LRRC4C: variants seen among roughly 807,000 people sequenced by gnomAD.
The protein encoded by LRRC4C is leucine-rich repeat-containing protein 4C.
LRRC4C carries 5 observed loss-of-function variants against 33.6 expected under a neutral mutation model. The ratio of observed to expected loss-of-function variants is 0.15; its 90% CI spans 0.08 to 0.31. The LOEUF is 0.31. Among genes scored for constraint, LRRC4C ranks in the 10% least tolerant of loss-of-function variants. LRRC4C has a pLI of 1.00. For missense variants in LRRC4C, 560 were observed against 796.7 expected, an observed-to-expected ratio of 0.70 and a Z score of 3.58; for synonymous variants, 329 against 302.0, an observed-to-expected ratio of 1.09 and a Z score of -0.93.
intron 4 of LRRC4C, among the ~76,000 whole-genome samples, chr11:40,309,576 G>A (rs1318586010): frequency 1.3e-5 from 2 of 150,234 alleles, no homozygotes; most frequent in Non-Finnish European, 2.9e-5. Flanking sequence ...CACAATCTCA[G>A]CTCACTGCAA....
intron 2 of LRRC4C, among the ~76,000 whole-genome samples, chr11:40,933,384 T>C (rs1433325089): frequency 6.6e-6 from 1 of 152,232 alleles, no homozygotes; most frequent in Non-Finnish European, 1.5e-5. Flanking sequence ...CAATTGACCA[T>C]ATTAATTTAC....
At position 40,463,503 on chromosome 11, in the gene LRRC4C, A is replaced by C. The variant is rs565889643; in HGVS notation, c.-269-143782T>G. Among the ~76,000 whole-genome samples, 3 of 152,228 alleles carry C rather than the reference A, an allele frequency of 2.0e-5. 1 individual carries two copies. In the South Asian group the frequency reaches 6.2e-4, roughly 32 times the overall value. On this transcript the variant is annotated intron_variant, in intron 3 of 6. Coordinates refer to ENST00000528697, the MANE Select transcript of LRRC4C (RefSeq NM_001258419.2). ...TTGGTAGATAAGACAGAAATATCGG[A>C]AATTTATCTTTGAGTAATATTTTCA...
At chr11:40,610,760 A>C (rs767301032) in intron 3 of LRRC4C, among the ~76,000 whole-genome samples, 3 of 151,904 alleles carry the variant, frequency 2.0e-5, no homozygotes, top group Non-Finnish European at 4.4e-5. Flanking sequence ...TTAAGGAAAC[A>C]GTCCCATTTA....
rs368661033 is a variant in LRRC4C at position 40,799,720 on chromosome 11, C to T, written c.-407+133915G>A. ...CCTGCCTCAAGTGATTCACCTGCCTCGGCCTCCCAAAGTGCTTGGAATACA... is the reference window on the plus strand; with the variant it reads ...CCTGCCTCAAGTGATTCACCTGCCTTGGCCTCCCAAAGTGCTTGGAATACA... On this transcript the variant is annotated intron_variant, in intron 2 of 6. Transcript: ENST00000528697. Among the ~76,000 whole-genome samples the T allele has an allele frequency of 1.2e-4, 18 of 152,280 alleles. 1 individual carries two copies. The highest frequency in any genetic ancestry group is 7.7e-4 in the East Asian group (4 of 5,170).
At chr11:40,991,079 C>CA (rs199778124) in intron 1 of LRRC4C, among the ~76,000 whole-genome samples, 23,414 of 124,688 alleles carry the variant, frequency 0.19, 2,010 homozygotes, top group Middle Eastern at 0.26. Flanking sequence ...GAGTCTATTA[C>CA]AAAAAAAAAA....
intron 6 of LRRC4C, among the ~76,000 whole-genome samples, chr11:40,118,422 A>G (rs1263919636): frequency 1.3e-5 from 2 of 152,096 alleles, no homozygotes; most frequent in Non-Finnish European, 2.9e-5. Flanking sequence ...GGGAATTTAA[A>G]AGGTGAGACA....
At chr11:40,665,340 A>ATG (rs1943725058) in intron 2 of LRRC4C, among the ~76,000 whole-genome samples, 1 of 15,268 alleles carries the variant, frequency 6.5e-5, no homozygotes, top group Admixed American at 8.6e-4. Context: ...ATATATATAT[A>ATG]TATATATATA....
intron 1 of LRRC4C, among the ~76,000 whole-genome samples, chr11:41,314,137 G>T (rs1215098577): frequency 6.6e-6 from 1 of 152,034 alleles, no homozygotes; most frequent in Non-Finnish European, 1.5e-5. Context: ...AATAGGAGAG[G>T]GTGGAGAATG....
At chr11:41,414,732 C>T (rs955635079) in intron 1 of LRRC4C, among the ~76,000 whole-genome samples, 2 of 151,604 alleles carry the variant, frequency 1.3e-5, no homozygotes, top group African/African-American at 4.8e-5. Flanking sequence ...TTCCTCAACT[C>T]GAGAAAGATA....
intron 1 of LRRC4C, among the ~76,000 whole-genome samples, chr11:41,283,305 A>T (rs1176779038): frequency 6.6e-6 from 1 of 152,228 alleles, no homozygotes; most frequent in Non-Finnish European, 1.5e-5. Context: ...TCATAACATC[A>T]TTTATATTAG....
intron 1 of LRRC4C, among the ~76,000 whole-genome samples, chr11:41,249,690 A>G (rs1285543768): frequency 1.3e-5 from 2 of 152,212 alleles, no homozygotes; most frequent in African/African-American, 4.8e-5. Flanking sequence ...GCACTTATCT[A>G]TGTGCTTTCA....
chr11:41,257,828 T>A (rs1159619837), intron 1 of LRRC4C, among the ~76,000 whole-genome samples: 1 of 152,058 alleles, frequency 6.6e-6, no homozygotes, highest in African/African-American at 2.4e-5. Context: ...TAGCTCAGCT[T>A]TCACTGTTTT....
chr11:40,974,510 C>T (rs10837537), intron 1 of LRRC4C, among the ~76,000 whole-genome samples: 51,596 of 152,114 alleles, frequency 0.34, 10,383 homozygotes, highest in East Asian at 0.51. Context: ...ACAACCACAA[C>T]ATAAATCCTA....
intron 1 of LRRC4C, among the ~76,000 whole-genome samples, chr11:41,414,712 G>C (rs928474430): frequency 1.3e-5 from 2 of 151,942 alleles, no homozygotes; most frequent in African/African-American, 4.8e-5. Context: ...GGGGAGTAAA[G>C]GTTCAATTCT....
At chr11:40,344,061 T>C (rs1565294628) in intron 3 of LRRC4C, among the ~76,000 whole-genome samples, 1 of 152,156 alleles carries the variant, frequency 6.6e-6, no homozygotes, top group African/African-American at 2.4e-5. Flanking sequence ...AGCCAAATTC[T>C]ACTAGATGTA....
At chr11:40,452,677 C>T (rs1232639525) in intron 3 of LRRC4C, among the ~76,000 whole-genome samples, 1 of 152,172 alleles carries the variant, frequency 6.6e-6, no homozygotes, top group Admixed American at 6.5e-5. Context: ...CATCCCATTA[C>T]TGGGTATATA....
chr11:40,519,125 G>A (rs930560828), intron 3 of LRRC4C, among the ~76,000 whole-genome samples: 1 of 152,070 alleles, frequency 6.6e-6, no homozygotes, highest in African/African-American at 2.4e-5. Context: ...AGCATTAGGA[G>A]AAATATCTAA....
At position 41,258,386 on chromosome 11, in the gene LRRC4C, C is replaced by A. The variant is rs368624186; in HGVS notation, c.-496+201045G>T. 1.2e-4 allele frequency among the ~76,000 whole-genome samples: 18 copies of A among 151,980 alleles called. No homozygotes were observed. In the East Asian group the frequency reaches 2.3e-3, roughly 20 times the overall value. The stretch of plus-strand genomic sequence containing the variant: ...TGGCAATCTATTTCATACCACCTAC[C>A]CTTCTCTCTGACACTTGAATAGGCC... On this transcript the variant is annotated intron_variant, in intron 1 of 6. Transcript: ENST00000528697.
intron 1 of LRRC4C, among the ~76,000 whole-genome samples, chr11:40,960,889 G>A (rs1850935147): frequency 6.6e-6 from 1 of 151,730 alleles, no homozygotes; most frequent in Admixed American, 6.6e-5. Context: ...CACCAGGGAA[G>A]TTCCACGAAC....
Sources: gnomAD v4.1 joint callset for allele counts (sites outside exome capture counted in the v4.1 genomes callset) on GRCh38, gnomAD v4.1.1 for gene constraint, MANE v1.5 for transcripts, NCBI Gene and HGNC (gene_info 2026-07-23, HGNC 2026-07-21) for gene names.